Variants in GREB1 observed in about 807,000 individuals in gnomAD.
GREB1 encodes growth regulating estrogen receptor binding 1, also known as protein GREB1.
A neutral mutation model predicts 200.7 loss-of-function variants in GREB1; 106 were observed. The observed-to-expected ratio is 0.53, with a 90% CI of 0.45 to 0.62. GREB1 has a LOEUF of 0.62. Among genes scored for constraint, GREB1 ranks in the 20% least tolerant of loss-of-function variants. GREB1 has a pLI of 0.00. For synonymous variants in GREB1, 1,132 were observed against 1,092.4 expected, an observed-to-expected ratio of 1.04 and a Z score of -0.72; for missense variants, 2,243 against 2,556.8, an observed-to-expected ratio of 0.88 and a Z score of 2.65.
At chr2:11,550,418 T>C (rs1675699758) in intron 1 of GREB1, among the ~76,000 whole-genome samples, 1 of 152,176 alleles carries the variant, frequency 6.6e-6, no homozygotes, top group African/African-American at 2.4e-5. Flanking sequence ...TTTGAGTCAA[T>C]TTCCCTGTTT....
intron 1 of GREB1, among the ~76,000 whole-genome samples, chr2:11,500,833 G>A (rs1398770340): frequency 1.3e-5 from 2 of 152,142 alleles, no homozygotes; most frequent in African/African-American, 2.4e-5. Flanking sequence ...AACCAACTGC[G>A]GCATTTCTGT....
At chr2:11,602,648 C>A in intron 17 of GREB1, 106 bp downstream of exon 17, 1 of 906,476 alleles carries the variant, frequency 1.1e-6, no homozygotes, top group South Asian at 1.5e-5. Flanking sequence ...CCTTTCCTTC[C>A]TGAGCAACTC....
In GREB1 at chr2:11,635,253, C is replaced by T. The variant is rs1311457035; in HGVS notation, c.5211-17C>T. 6.2e-7 allele frequency: 1 copy of T among 1,613,924 alleles called. No homozygotes were observed. The highest frequency in any genetic ancestry group is 1.3e-5 in the African/African-American group (1 of 74,942). ...GCTGTGCCCCATCAGACCCACCCCT[C>T]CTCTGGCCCTGAGTAGGTTCCTGTG... On this transcript the variant is annotated splice_polypyrimidine_tract_variant and intron_variant, in intron 29 of 32. Coordinates refer to ENST00000381486, the MANE Select transcript of GREB1 (RefSeq NM_014668.4).
chr2:11,618,932 C>G lies in GREB1; in HGVS notation c.4044+13C>G. 8.1e-6 allele frequency: 12 copies of G among 1,485,996 alleles called. No individual in the cohort carries two copies. Among genetic ancestry groups the G allele is most frequent in the Non-Finnish European group, 1.1e-5 (12 of 1,120,372 alleles). The allele number at this position is 1,485,996 out of a possible 1,614,324, so 92.1% of individuals were successfully genotyped here. On this transcript the variant is annotated intron_variant, in intron 22 of 32. Coordinates refer to ENST00000381486, the MANE Select transcript of GREB1 (RefSeq NM_014668.4). ...CGGCCCCCCTCAGGTGAGTGTTGCT[C>G]GCTGCCCCAGCACAGCCCCGGACTG...
intron 26 of GREB1, among the ~76,000 whole-genome samples, chr2:11,630,968 C>G (rs1684830500): frequency 6.6e-6 from 1 of 152,196 alleles, no homozygotes; most frequent in East Asian, 1.9e-4. Flanking sequence ...GATCTGGCAG[C>G]CTGTTATTAA....
At chr2:11,608,871 T>C (rs1192084301) in intron 17 of GREB1, among the ~76,000 whole-genome samples, 1 of 152,234 alleles carries the variant, frequency 6.6e-6, no homozygotes, top group Admixed American at 6.5e-5. Flanking sequence ...AGATCTCTCC[T>C]CTTTGGTACT....
chr2:11,489,582 T>C (rs1161550950), intron 1 of GREB1, among the ~76,000 whole-genome samples: 1 of 152,260 alleles, frequency 6.6e-6, no homozygotes, highest in Non-Finnish European at 1.5e-5. Context: ...TATTGTATTA[T>C]GTGCTTAGCA....
chr2:11,592,824 G>A lies in GREB1; in HGVS notation c.1394G>A (p.Arg465His), dbSNP rs760195039. Residue 465 changes from arginine to histidine, a missense_variant, in exon 11 of 33, where the codon CGC (arginine) becomes CAC (histidine). Physicochemically the swap from Arg to His is conservative, Grantham distance 29 (BLOSUM62 0). Coordinates refer to ENST00000381486, the MANE Select transcript of GREB1 (RefSeq NM_014668.4). ...GAGGACCTGGAGCAGATCTTCCTGCGCTCTTGGCGCGAGTCGCACCTGACC... is the reference window on the plus strand; with the variant it reads ...GAGGACCTGGAGCAGATCTTCCTGCACTCTTGGCGCGAGTCGCACCTGACC... ...LMEDLEQIFL[R>H]SWRESHLTEI... The A allele has an allele frequency of 3.8e-6, 6 of 1,585,342 alleles. No individual in the cohort carries two copies. The highest frequency in any genetic ancestry group is 5.1e-6 in the Non-Finnish European group (6 of 1,170,774).
chr2:11,594,362 C>CTTTTTT (rs34387012), intron 11 of GREB1, among the ~76,000 whole-genome samples: 2 of 148,342 alleles, frequency 1.3e-5, no homozygotes, highest in African/African-American at 2.5e-5. Flanking sequence ...CATTTTTTTT[C>CTTTTTT]TTTTTTTTTT....
Position 11,640,602 on chromosome 2 carries a change from C to A in GREB1, c.*148C>A. ...CAGCCCCTCCTAGTACACATGGGCC[C>A]CCGAGGCCGTGGTCCTGGGAGCCAG... On this transcript the variant is annotated 3_prime_UTR_variant, in exon 33 of 33. Coordinates refer to ENST00000381486, the MANE Select transcript of GREB1 (RefSeq NM_014668.4). This position sits in a 1 kb window ranked among gnomAD's most constrained non-coding sequence, Gnocchi z 4.6. The A allele has an allele frequency of 1.2e-6, 1 of 856,550 alleles. No homozygotes were observed. Among genetic ancestry groups the A allele is most frequent in the Non-Finnish European group, 1.8e-6 (1 of 554,792 alleles). 53.1% of individuals were successfully genotyped at this position (856,550 alleles called of 1,614,324 possible).
intron 25 of GREB1, among the ~76,000 whole-genome samples, chr2:11,628,873 G>T (rs1439879672): frequency 6.6e-6 from 1 of 152,184 alleles, no homozygotes; most frequent in Non-Finnish European, 1.5e-5. Context: ...CACAGTGGAA[G>T]AGGAGCATGC....
At chr2:11,572,161 G>T (rs769279957) in intron 4 of GREB1, among the ~76,000 whole-genome samples, 1 of 152,232 alleles carries the variant, frequency 6.6e-6, no homozygotes, top group African/African-American at 2.4e-5. Flanking sequence ...GGCCCTCTGC[G>T]CAGGGACAGT....
At chr2:11,582,493 G>A (rs9287733) in intron 7 of GREB1, among the ~76,000 whole-genome samples, 33,306 of 152,174 alleles carry the variant, frequency 0.22, 5,124 homozygotes, top group African/African-American at 0.44. Flanking sequence ...CTCTCCACCC[G>A]CCTATTAAAT....
intron 22 of GREB1, among the ~76,000 whole-genome samples, chr2:11,619,710 T>G (rs549365214): frequency 6.6e-6 from 1 of 152,194 alleles, no homozygotes; most frequent in Non-Finnish European, 1.5e-5. Context: ...TTTTCAGTGA[T>G]TTTCTGGTTT....
chr2:11,498,771 C>T (rs1010414975), intron 1 of GREB1, among the ~76,000 whole-genome samples: 22 of 152,188 alleles, frequency 1.4e-4, no homozygotes, highest in African/African-American at 4.8e-4. Flanking sequence ...GTGGTAGGCA[C>T]GGGCATGACT....
chr2:11,574,966 C>T (rs769735863), intron 4 of GREB1, among the ~76,000 whole-genome samples: 5 of 152,222 alleles, frequency 3.3e-5, no homozygotes, highest in South Asian at 4.1e-4. Flanking sequence ...TTATTTCTAA[C>T]GCCTTTTGAG....
chr2:11,632,992 C>T lies in GREB1; in HGVS notation c.4920C>T (p.Phe1640=), dbSNP rs374679480. The T allele has an allele frequency of 4.5e-5, 72 of 1,614,210 alleles. No homozygotes were observed. The African/African-American group carries it at 6.8e-4, about 15-fold the overall frequency. The change falls in exon 28 of 33, where the codon TTC becomes TTT. Residue 1640 remains phenylalanine, a synonymous_variant. Coordinates refer to ENST00000381486, the MANE Select transcript of GREB1 (RefSeq NM_014668.4). ...LGIKPQDIWP[F]IVISDDSCVM... is the part of the protein sequence containing the mutation. Reference sequence around the variant, plus strand: ...TCAAGCCGCAGGACATCTGGCCTTTCATTGTGATCTCTGATGACTCCTGCG... The same window carrying T: ...TCAAGCCGCAGGACATCTGGCCTTTTATTGTGATCTCTGATGACTCCTGCG...
intron 20 of GREB1, among the ~76,000 whole-genome samples, chr2:11,616,155 T>C (rs1683383945): frequency 6.6e-6 from 1 of 152,256 alleles, no homozygotes; most frequent in Non-Finnish European, 1.5e-5. Context: ...ATAGCCCGCA[T>C]TGCACTGAGC....
intron 20 of GREB1, 59 bp from the exon 21 acceptor site, chr2:11,616,572 T>C (rs1683423632): frequency 9.6e-7 from 1 of 1,039,676 alleles, no homozygotes; most frequent in African/African-American, 1.6e-5. Flanking sequence ...TGTGAAGTGC[T>C]GGGCAAATGT....
Sources: gnomAD v4.1 joint callset for allele counts (sites outside exome capture counted in the v4.1 genomes callset) on GRCh38, gnomAD v4.1.1 for gene constraint, Gnocchi (gnomAD v3.1) non-coding constraint, MANE v1.5 for transcripts, NCBI Gene and HGNC (gene_info 2026-07-23, HGNC 2026-07-21) for gene names.